Variants in HERC1 observed in about 807,000 individuals in gnomAD.
HERC1 encodes HECT and RLD domain containing E3 ubiquitin protein ligase family member 1.
Under a neutral mutation model 554.3 loss-of-function variants are expected in HERC1, and 160 were observed. That is an observed-to-expected ratio of 0.29 (90% CI 0.25 to 0.33). HERC1 has a LOEUF of 0.33. Ranked by LOEUF, HERC1 falls within the 10% of genes least tolerant of loss-of-function variation. The pLI is 1.00. For synonymous variants in HERC1, 2,175 were observed against 2,131.7 expected (o/e 1.02, Z -0.56); for missense variants, 4,919 against 5,918.5 (o/e 0.83, Z 5.54).
chr15:63,739,195 CTTTTTTT>C (rs1205943240), intron 12 of HERC1, among the ~76,000 whole-genome samples: 1 of 102,276 alleles, frequency 9.8e-6, no homozygotes, highest in Admixed American at 1.2e-4. Flanking sequence ...CACTAATATA[CTTTTTTT>C]TTTTTTTTTT....
chr15:63,764,091 C>T lies in HERC1; in HGVS notation c.1026+5G>A, dbSNP rs1303986074. 3.8e-6 allele frequency: 6 copies of T among 1,588,372 alleles called. No individual in the cohort carries two copies. The highest frequency in any genetic ancestry group is 1.3e-5 in the African/African-American group (1 of 74,468). ...GTTAATACAAAAGCCACGATTATTA[C>T]GTACCTCTTCAAAGAGACATAATGC... On this transcript the variant is annotated splice_donor_5th_base_variant and intron_variant, in intron 3 of 77. Coordinates refer to ENST00000443617, the MANE Select transcript of HERC1 (RefSeq NM_003922.4).
At chr15:63,788,628 T>C (rs2076529249) in intron 1 of HERC1, among the ~76,000 whole-genome samples, 1 of 152,122 alleles carries the variant, frequency 6.6e-6, no homozygotes, top group Admixed American at 6.5e-5. Flanking sequence ...CAATTAAAAA[T>C]ATTAGCAGCT....
At chr15:63,654,078 T>A (rs2069867689) in intron 51 of HERC1, 41 bp downstream of exon 51, 1 of 1,485,828 alleles carries the variant, frequency 6.7e-7, no homozygotes, top group African/African-American at 1.4e-5. Context: ...TATTTCATCT[T>A]ACATAACGTG....
At chr15:63,769,368 C>T (rs547666446) in intron 2 of HERC1, among the ~76,000 whole-genome samples, 9 of 152,070 alleles carry the variant, frequency 5.9e-5, no homozygotes, top group South Asian at 2.1e-4. Flanking sequence ...TGCAGTGAGA[C>T]GAGATCTTGC....
rs762153196 is a variant in HERC1 at position 63,694,708 on chromosome 15, A to C, written c.5242+66T>G. Reference sequence around the variant, plus strand: ...TGTTAAACACAAAATATAGAACATAACTAGTACCATAACCTCGGGCTAAAA... The same window carrying C: ...TGTTAAACACAAAATATAGAACATACCTAGTACCATAACCTCGGGCTAAAA... On this transcript the variant is annotated intron_variant, in intron 28 of 77. Transcript: ENST00000443617. This position sits in a 1 kb window ranked among gnomAD's most constrained non-coding sequence, Gnocchi z 4.3. 349 of 1,596,268 alleles carry C rather than the reference A, an allele frequency of 2.2e-4. No homozygotes were observed. Among genetic ancestry groups the C allele is most frequent in the Non-Finnish European group, 2.9e-4 (343 of 1,163,866 alleles).
chr15:63,783,654 C>A (rs781282777), intron 1 of HERC1, among the ~76,000 whole-genome samples: 2 of 152,168 alleles, frequency 1.3e-5, no homozygotes, highest in African/African-American at 4.8e-5. Flanking sequence ...TATGCCAGTA[C>A]TTGACAAATA....
chr15:63,649,083 G>A (rs1032767613), intron 54 of HERC1, among the ~76,000 whole-genome samples: 8 of 152,160 alleles, frequency 5.3e-5, no homozygotes, highest in East Asian at 1.9e-4. Flanking sequence ...GGCCAGGCAC[G>A]GTGGCTCACG....
At chr15:63,750,430 T>C (rs12148083) in intron 8 of HERC1, among the ~76,000 whole-genome samples, 34,666 of 152,014 alleles carry the variant, frequency 0.23, 4,881 homozygotes, top group Middle Eastern at 0.35. Flanking sequence ...GCAAGACAAA[T>C]AGGTGACTGA....
intron 8 of HERC1, among the ~76,000 whole-genome samples, chr15:63,751,518 T>C (rs1160761075): frequency 6.6e-6 from 1 of 152,168 alleles, no homozygotes; most frequent in Non-Finnish European, 1.5e-5. Context: ...CTTGCAGCGT[T>C]CCTTCGGTTG....
intron 45 of HERC1, 59 bp from the exon 46 acceptor site, chr15:63,661,084 C>T (rs2070334725): frequency 1.7e-6 from 2 of 1,186,716 alleles, no homozygotes; most frequent in African/African-American, 1.5e-5. Flanking sequence ...CCCCAAGATG[C>T]AAATTAAGTC....
chr15:63,676,722 C>G (rs949496156), intron 37 of HERC1, among the ~76,000 whole-genome samples: 1 of 152,138 alleles, frequency 6.6e-6, no homozygotes. Flanking sequence ...TGCCATTGCC[C>G]TCCAGCCTGG....
chr15:63,757,666 A>G (rs2075473447), intron 4 of HERC1, among the ~76,000 whole-genome samples: 1 of 152,124 alleles, frequency 6.6e-6, no homozygotes, highest in African/African-American at 2.4e-5. Flanking sequence ...TAGTTATTTG[A>G]AAGTTGGAAA....
chr15:63,665,890 G>T (rs765739868), intron 42 of HERC1, 29 bp downstream of exon 42: 1 of 1,546,588 alleles, frequency 6.5e-7, no homozygotes, highest in Middle Eastern at 1.7e-4. Flanking sequence ...ATAACACATG[G>T]AACAAAAGTA....
chr15:63,618,479 A>C (rs944198776), intron 74 of HERC1, among the ~76,000 whole-genome samples: 7 of 150,268 alleles, frequency 4.7e-5, no homozygotes, highest in African/African-American at 1.5e-4. Flanking sequence ...TTGACTTGGC[A>C]ATGCGGGCTC....
intron 8 of HERC1, among the ~76,000 whole-genome samples, chr15:63,750,014 A>G (rs563837507): frequency 6.6e-6 from 1 of 152,360 alleles, no homozygotes; most frequent in East Asian, 1.9e-4. Flanking sequence ...AAATAAAAAT[A>G]ACTGGTCATA....
Position 63,675,076 on chromosome 15 carries a change from T to C in HERC1, c.7112A>G (p.Asn2371Ser), listed in dbSNP as rs2071125622. 3.1e-6 allele frequency: 5 copies of C among 1,612,922 alleles called. No homozygotes were observed. Among genetic ancestry groups the C allele is most frequent in the Non-Finnish European group, 4.2e-6 (5 of 1,179,280 alleles). Residue 2371 changes from asparagine to serine, a missense_variant, in exon 38 of 78, where the codon AAT becomes AGT. Physicochemically the swap from Asn to Ser is conservative, Grantham distance 46. This residue lies in a region of HERC1 where 1,963 missense variants were observed against 2,228.6 expected (regional missense o/e 0.88). Coordinates refer to ENST00000443617, the MANE Select transcript of HERC1 (RefSeq NM_003922.4). ...CGGCAATGGTTCACAGGGTTCCAGA[T>C]TATACAATGGAGTATCACTAGGCGA... ...FWSPSDTPLY[N>S]LEPCEPLPFD... is the part of the protein sequence containing the mutation.
intron 69 of HERC1, among the ~76,000 whole-genome samples, chr15:63,629,183 C>T (rs2068439330): frequency 6.6e-6 from 1 of 152,182 alleles, no homozygotes; most frequent in Non-Finnish European, 1.5e-5. Context: ...CTCCTGAGCT[C>T]AGGCAATCCA....
rs2075380052 is a variant in HERC1, at chr15:63,755,142, C to T, written c.1630+87G>A. 3.6e-6 allele frequency: 3 copies of T among 842,852 alleles called. No homozygotes were observed. The African/African-American group carries it at 5.0e-5, about 14-fold the overall frequency. 52.2% of individuals were successfully genotyped at this position (842,852 alleles called of 1,614,324 possible). On this transcript the variant is annotated intron_variant, in intron 6 of 77. Coordinates refer to ENST00000443617, the MANE Select transcript of HERC1 (RefSeq NM_003922.4). ...TAACAAAATAAATGACAGTCTTTGGCCTAGTAAATCTGCTCTCACGGCTTC... is the reference window on the plus strand; with the variant it reads ...TAACAAAATAAATGACAGTCTTTGGTCTAGTAAATCTGCTCTCACGGCTTC...
At position 63,803,843 on chromosome 15, in the gene HERC1, T is replaced by A. The variant is rs966146027; in HGVS notation, c.-26-28194A>T. On this transcript the variant is annotated intron_variant, in intron 1 of 77. Coordinates refer to ENST00000443617, the MANE Select transcript of HERC1 (RefSeq NM_003922.4). Reference sequence around the variant, plus strand: ...ACTGATAGAGAAAACATTAAAGATGTACATTATCTGACTTTTAAGCTTATT... The same window carrying A: ...ACTGATAGAGAAAACATTAAAGATGAACATTATCTGACTTTTAAGCTTATT... Among the ~76,000 whole-genome samples, 8 of 152,284 alleles carry A rather than the reference T, an allele frequency of 5.3e-5. No homozygotes were observed. In the East Asian group the frequency reaches 5.8e-4, roughly 11 times the overall value.
Sources: allele counts gnomAD v4.1 joint callset (sites outside exome capture counted in the v4.1 genomes callset), GRCh38; gene constraint gnomAD v4.1.1; regional missense constraint gnomAD v4.1.1; non-coding constraint Gnocchi (gnomAD v3.1); transcripts MANE v1.5; gene names NCBI Gene and HGNC (gene_info 2026-07-23, HGNC 2026-07-21).